Variants in ADGRF5 observed in about 807,000 individuals in gnomAD.
ADGRF5 encodes adhesion G protein-coupled receptor F5, also known as G-protein coupled receptor 116.
A neutral mutation model predicts 132.3 loss-of-function variants in ADGRF5; 75 were observed. The observed-to-expected ratio is 0.57, with a 90% CI of 0.47 to 0.69. The LOEUF (loss-of-function observed/expected upper bound fraction) is 0.69. Ranked by LOEUF, ADGRF5 falls within the 30% of genes least tolerant of loss-of-function variation. The pLI is 0.00. For synonymous variants in ADGRF5, 629 were observed against 597.6 expected (o/e 1.05, Z -0.77); for missense variants, 1,516 against 1,630.6 (o/e 0.93, Z 1.21).
chr6:46,939,104 C>T (rs568465751), intron 1 of ADGRF5, among the ~76,000 whole-genome samples: 362 of 152,266 alleles, frequency 2.4e-3, no homozygotes, highest in Non-Finnish European at 4.1e-3. Context: ...CTCTTGACCT[C>T]GTGATCCCCC....
intron 1 of ADGRF5, among the ~76,000 whole-genome samples, chr6:46,913,112 C>CT (rs1776103161): frequency 6.6e-6 from 1 of 152,150 alleles, no homozygotes; most frequent in South Asian, 2.1e-4. Context: ...TAAATAGTGG[C>CT]TAATCGCCTG....
In ADGRF5 at chr6:46,860,740, G is replaced by A; in HGVS notation, c.2354C>T (p.Thr785Ile). The A allele has an allele frequency of 3.7e-6, 6 of 1,613,578 alleles. No homozygotes were observed. The highest frequency in any genetic ancestry group is 1.7e-4 in the Middle Eastern group (1 of 6,056). Reference protein sequence around the residue: ...NILDLLSTVPTQVNSEMMTHV... With the variant: ...NILDLLSTVPIQVNSEMMTHV... ...CGTCATCATTTCTGAATTTACTTGG[G>A]TTGGAACTGTTGAGAGCAGATCAAG... Residue 785 changes from threonine to isoleucine, a missense_variant, in exon 16 of 21, where the codon ACC becomes ATC. Physicochemically the swap from Thr to Ile is moderately conservative, Grantham distance 89 (BLOSUM62 -1). Transcript: ENST00000283296.
chr6:46,889,787 T>C (rs1219193188), intron 3 of ADGRF5, among the ~76,000 whole-genome samples: 1 of 148,940 alleles, frequency 6.7e-6, no homozygotes, highest in Non-Finnish European at 1.5e-5. Context: ...TGTGTATATA[T>C]ATATATATAT....
At chr6:46,882,155 G>C (rs764451299) in intron 6 of ADGRF5, 48 bp from the exon 7 acceptor site, 13 of 1,251,478 alleles carry the variant, frequency 1.0e-5, no homozygotes, top group Non-Finnish European at 1.4e-5. Context: ...TCGAGAAATA[G>C]GTGTATCAAA....
chr6:46,865,935 G>A (rs600971), intron 13 of ADGRF5, among the ~76,000 whole-genome samples: 126,889 of 152,042 alleles, frequency 0.83, 54,799 homozygotes, highest in East Asian at 0.99. Flanking sequence ...CGTTGAGTAA[G>A]CCCTCCAGAA....
chr6:46,898,042 A>G (rs1774366285), intron 3 of ADGRF5, among the ~76,000 whole-genome samples: 1 of 152,198 alleles, frequency 6.6e-6, no homozygotes. Flanking sequence ...TAAATGGAAA[A>G]CATCTTTTCA....
chr6:46,888,472 G>A lies in ADGRF5; in HGVS notation c.191C>T (p.Thr64Ile), dbSNP rs750711601. Residue 64 changes from threonine (T) to isoleucine (I), a missense_variant, in exon 4 of 21, where the codon ACT (threonine) becomes ATT (isoleucine). Coordinates refer to ENST00000283296, the MANE Select transcript of ADGRF5 (RefSeq NM_001098518.2). ...ATKSPTAEEY[T>I]VNIEISFENA... ...TTCAAAACTGATCTCAATATTAACA[G>A]TGTATTCTTCAGCCGTAGGACTTTT... 17 of 1,613,212 alleles carry A rather than the reference G, an allele frequency of 1.1e-5. No homozygotes were observed. The South Asian group carries it at 1.6e-4, about 16-fold the overall frequency.
At chr6:46,856,819 C>T in intron 18 of ADGRF5, 42 bp from the exon 19 acceptor site, 22 of 1,602,210 alleles carry the variant, frequency 1.4e-5, no homozygotes, top group Non-Finnish European at 1.8e-5. Context: ...CAACATGCCA[C>T]AAGCACTTCA....
rs569778176 is a variant in ADGRF5 at position 46,911,167 on chromosome 6, C to A, written c.-24-4381G>T. Among the ~76,000 whole-genome samples, 179 of 152,306 alleles carry A rather than the reference C, an allele frequency of 1.2e-3. 1 individual carries two copies. The highest frequency in any genetic ancestry group is 3.9e-3 in the African/African-American group (160 of 41,558). ...TTTTCCTGAAGTACTCTTCACACAA[C>A]ATTCCCTGTTCAATTTTTCCCTGCT... On this transcript the variant is annotated intron_variant, in intron 1 of 20. Coordinates refer to ENST00000283296, the MANE Select transcript of ADGRF5 (RefSeq NM_001098518.2).
chr6:46,923,768 A>G (rs1337234566), upstream of ADGRF5, among the ~76,000 whole-genome samples: 2 of 152,160 alleles, frequency 1.3e-5, no homozygotes, highest in Admixed American at 1.3e-4. Flanking sequence ...CACACATTAC[A>G]ATGAAAACAA....
At chr6:46,896,432 C>T (rs142473647) in intron 3 of ADGRF5, among the ~76,000 whole-genome samples, 1 of 152,174 alleles carries the variant, frequency 6.6e-6, no homozygotes, top group African/African-American at 2.4e-5. Flanking sequence ...CATCTGTGCC[C>T]CTGCCTTCAA....
intron 1 of ADGRF5, among the ~76,000 whole-genome samples, chr6:46,919,423 A>T (rs1776703419): frequency 6.6e-6 from 1 of 152,260 alleles, no homozygotes; most frequent in Non-Finnish European, 1.5e-5. Context: ...AAGTCTTTTG[A>T]TAACTAAAAA....
chr6:46,900,967 A>C (rs1774703660), intron 2 of ADGRF5, among the ~76,000 whole-genome samples: 1 of 152,180 alleles, frequency 6.6e-6, no homozygotes, highest in South Asian at 2.1e-4. Context: ...TTACCTATAG[A>C]ATGGGGATGA....
chr6:46,936,602 A>C (rs1164936779), intron 1 of ADGRF5, among the ~76,000 whole-genome samples: 1 of 152,144 alleles, frequency 6.6e-6, no homozygotes, highest in Non-Finnish European at 1.5e-5. Flanking sequence ...TACACACCAG[A>C]CACTGTTCTA....
At position 46,939,716 on chromosome 6, in the gene ADGRF5, A is replaced by G. The variant is rs544487802; in HGVS notation, c.-25+15018T>C. ...TTCAACTAATTAATTTTACTGGTAT[A>G]CTAAAGGTGAAAATTTACGTAGTGC... On this transcript the variant is annotated intron_variant, in intron 1 of 20. Coordinates refer to the ADGRF5 transcript ENST00000265417. Among the ~76,000 whole-genome samples the G allele has an allele frequency of 5.3e-5, 8 of 152,342 alleles. No homozygotes were observed. In the East Asian group the frequency reaches 1.4e-3, roughly 26 times the overall value.
intron 1 of ADGRF5, chr6:46,909,140 A>T (rs1047269758): frequency 3.9e-5 from 6 of 152,122 alleles, no homozygotes; most frequent in African/African-American, 1.4e-4. Flanking sequence ...AAAAGTCTAT[A>T]TTCATCCAGT....
At chr6:46,912,345 T>C (rs571543200) in intron 1 of ADGRF5, among the ~76,000 whole-genome samples, 1 of 151,832 alleles carries the variant, frequency 6.6e-6, no homozygotes, top group African/African-American at 2.4e-5. Flanking sequence ...ACAGGGGAGT[T>C]TGGAAGAAGG....
intron 1 of ADGRF5, among the ~76,000 whole-genome samples, chr6:46,933,225 G>A (rs1561832918): frequency 6.6e-6 from 1 of 152,134 alleles, no homozygotes; most frequent in South Asian, 2.1e-4. Flanking sequence ...CAAGGTCTTG[G>A]TACCCAAAAG....
intron 1 of ADGRF5, among the ~76,000 whole-genome samples, chr6:46,916,367 T>C (rs1487832467): frequency 5.9e-5 from 9 of 152,240 alleles, no homozygotes; most frequent in Non-Finnish European, 1.3e-4. Flanking sequence ...CCTTCCCAGA[T>C]GTGCCAACTG....
Sources: allele counts gnomAD v4.1 joint callset (sites outside exome capture counted in the v4.1 genomes callset), GRCh38; gene constraint gnomAD v4.1.1; transcripts MANE v1.5; gene names NCBI Gene and HGNC (gene_info 2026-07-23, HGNC 2026-07-21).